Variants in ATOSA observed in about 807,000 individuals in gnomAD.
The protein encoded by ATOSA is atos homolog protein A.
the ATOSA span, among the ~76,000 whole-genome samples, chr15:52,604,490 A>G: frequency 6.6e-6 from 1 of 152,226 alleles, no homozygotes; most frequent in Non-Finnish European, 1.5e-5. Flanking sequence ...CTGCTATACA[A>G]TTTACTGCTT....
chr15:52,630,340 A>C, the ATOSA span, among the ~76,000 whole-genome samples: 1 of 152,220 alleles, frequency 6.6e-6, no homozygotes, highest in Admixed American at 6.5e-5. Flanking sequence ...CACCACAGAG[A>C]CTGAGAAGAC....
At chr15:52,613,320 C>T in the ATOSA span, among the ~76,000 whole-genome samples, 274 of 152,284 alleles carry the variant, frequency 1.8e-3, 1 homozygote, top group East Asian at 0.025. Flanking sequence ...GAGCCAAGAT[C>T]GCGCCACTGC....
At chr15:52,643,105 T>G in the ATOSA span, among the ~76,000 whole-genome samples, 9 of 152,272 alleles carry the variant, frequency 5.9e-5, no homozygotes, top group African/African-American at 1.9e-4. Flanking sequence ...ATTCCTCCTG[T>G]TTCCAGAACT....
chr15:52,705,206 G>A, the ATOSA span, among the ~76,000 whole-genome samples: 1 of 152,118 alleles, frequency 6.6e-6, no homozygotes, highest in African/African-American at 2.4e-5. Context: ...CCTTTTGCAG[G>A]GACATGGATG....
the ATOSA span, among the ~76,000 whole-genome samples, chr15:52,623,556 C>A: frequency 1.3e-5 from 2 of 151,912 alleles, no homozygotes; most frequent in Admixed American, 6.6e-5. Flanking sequence ...GCAAAAGGAG[C>A]TGGATTACAG....
At chr15:52,689,629 A>G in the ATOSA span, among the ~76,000 whole-genome samples, 1 of 152,224 alleles carries the variant, frequency 6.6e-6, no homozygotes, top group Non-Finnish European at 1.5e-5. Context: ...CCCTGGTCAC[A>G]AGTGGCTGAA....
At chr15:52,668,672 A>AAT in the ATOSA span, among the ~76,000 whole-genome samples, 5 of 152,170 alleles carry the variant, frequency 3.3e-5, no homozygotes, top group African/African-American at 1.2e-4. Context: ...GGACTTCATA[A>AAT]ATATATACAA....
the ATOSA span, among the ~76,000 whole-genome samples, chr15:52,662,116 C>G: frequency 2.6e-5 from 4 of 152,156 alleles, no homozygotes; most frequent in African/African-American, 9.7e-5. Flanking sequence ...GAGATTGCTT[C>G]TTAGTGCTCT....
the ATOSA span, among the ~76,000 whole-genome samples, chr15:52,652,450 A>G: frequency 6.6e-6 from 1 of 152,218 alleles, no homozygotes; most frequent in Non-Finnish European, 1.5e-5. Context: ...GTATAAATAC[A>G]AAAATTTACA....
At chr15:52,651,873 C>G in the ATOSA span, 1 of 1,535,508 alleles carries the variant, frequency 6.5e-7, no homozygotes, top group Non-Finnish European at 8.7e-7. Context: ...TACACACCTT[C>G]TCTGTGAAGC....
At chr15:52,605,321 T>C in the ATOSA span, 3 of 1,053,010 alleles carry the variant, frequency 2.8e-6, no homozygotes, top group Admixed American at 4.7e-5. Context: ...GTTTTTGTTT[T>C]TAGACTCATT....
chr15:52,585,522 T>G, the ATOSA span, among the ~76,000 whole-genome samples: 3 of 152,180 alleles, frequency 2.0e-5, no homozygotes, highest in African/African-American at 7.2e-5. Flanking sequence ...TCCCCAAGTT[T>G]AGAAAACAAA....
the ATOSA span, among the ~76,000 whole-genome samples, chr15:52,628,878 A>T: frequency 1.3e-5 from 2 of 152,194 alleles, no homozygotes; most frequent in African/African-American, 4.8e-5. Flanking sequence ...CAACTACTTA[A>T]TTTTTCACTC....
At chr15:52,697,136 T>A in the ATOSA span, among the ~76,000 whole-genome samples, 2 of 152,194 alleles carry the variant, frequency 1.3e-5, no homozygotes, top group Non-Finnish European at 2.9e-5. Context: ...CTTTCTCCTA[T>A]CCTATGTTCT....
the ATOSA span, among the ~76,000 whole-genome samples, chr15:52,622,145 C>T: frequency 2.6e-5 from 4 of 152,118 alleles, no homozygotes; most frequent in Non-Finnish European, 4.4e-5. Context: ...TGCGCCTGGC[C>T]TACTATTTCT....
At chr15:52,614,333 T>C in the ATOSA span, among the ~76,000 whole-genome samples, 1 of 151,484 alleles carries the variant, frequency 6.6e-6, no homozygotes, top group African/African-American at 2.4e-5. Context: ...CTCGAACTCC[T>C]GACCTCCGGT....
the ATOSA span, among the ~76,000 whole-genome samples, chr15:52,594,424 C>T: frequency 6.6e-6 from 1 of 152,184 alleles, no homozygotes; most frequent in Non-Finnish European, 1.5e-5. Context: ...AAACTTTTCA[C>T]AAGCTTTATT....
the ATOSA span, among the ~76,000 whole-genome samples, chr15:52,651,590 T>C: frequency 3.3e-5 from 5 of 152,244 alleles, no homozygotes; most frequent in Non-Finnish European, 7.3e-5. Context: ...TATCACATTT[T>C]TTCCCCATTA....
At chr15:52,632,227 C>A in the ATOSA span, among the ~76,000 whole-genome samples, 1 of 152,216 alleles carries the variant, frequency 6.6e-6, no homozygotes, top group South Asian at 2.1e-4. Flanking sequence ...TTGACTACAA[C>A]TTAAGCAAGT....
Sources: allele counts gnomAD v4.1 joint callset (sites outside exome capture counted in the v4.1 genomes callset), GRCh38; gene constraint gnomAD v4.1.1; transcripts MANE v1.5; gene names NCBI Gene and HGNC (gene_info 2026-07-23, HGNC 2026-07-21).